PDZRN4: variants seen among roughly 807,000 people sequenced by gnomAD.
PDZRN4 encodes the protein PDZ domain containing ring finger 4.
A neutral mutation model predicts 99.0 loss-of-function variants in PDZRN4; 70 were observed. That is an observed-to-expected ratio of 0.71 (90% CI 0.58 to 0.86). The LOEUF (loss-of-function observed/expected upper bound fraction) is 0.86, where lower values mean the gene tolerates loss of function less well. Among genes scored for constraint, PDZRN4 ranks in the 40% least tolerant of loss-of-function variants. The pLI is 0.00. For missense variants in PDZRN4, 1,474 were observed against 1,331.2 expected, an observed-to-expected ratio of 1.11 and a Z score of -1.67; for synonymous variants, 551 against 501.6, an observed-to-expected ratio of 1.10 and a Z score of -1.32.
At chr12:41,328,973 A>G (rs555978898) in intron 3 of PDZRN4, among the ~76,000 whole-genome samples, 3 of 152,234 alleles carry the variant, frequency 2.0e-5, no homozygotes, top group Admixed American at 6.5e-5. Context: ...TTTGTAACTT[A>G]AACAAATTTG....
chr12:41,275,176 C>T (rs1295379344), intron 3 of PDZRN4, among the ~76,000 whole-genome samples: 1 of 152,040 alleles, frequency 6.6e-6, no homozygotes, highest in Non-Finnish European at 1.5e-5. Flanking sequence ...CGACAGTTAT[C>T]CCAGGGAACT....
At chr12:41,210,153 A>T (rs1950878663) in intron 3 of PDZRN4, among the ~76,000 whole-genome samples, 2 of 151,766 alleles carry the variant, frequency 1.3e-5, no homozygotes, top group Non-Finnish European at 2.9e-5. Context: ...TTCTTTTGAG[A>T]AGTGTCTGTT....
At chr12:41,407,712 GAAA>G (rs5797731) in intron 3 of PDZRN4, among the ~76,000 whole-genome samples, 15,330 of 138,182 alleles carry the variant, frequency 0.11, 1,552 homozygotes, top group African/African-American at 0.25. Context: ...GTACAAAAGA[GAAA>G]AAAAAAAAAC....
chr12:41,189,114 G>A lies in PDZRN4; in HGVS notation c.648+11G>A. 1.3e-6 allele frequency: 2 copies of A among 1,576,454 alleles called. No individual in the cohort carries two copies. Among genetic ancestry groups the A allele is most frequent in the Non-Finnish European group, 1.7e-6 (2 of 1,169,380 alleles). ...GGCGGCCACCGCAGGGTAAGCAAAG[G>A]GGGGTGGGCACCGCGGGCATGGTCG... is the stretch of plus-strand genomic sequence containing the variant. On this transcript the variant is annotated intron_variant, in intron 1 of 9. Coordinates refer to ENST00000402685, the MANE Select transcript of PDZRN4 (RefSeq NM_001164595.2).
chr12:41,288,769 A>G (rs766525232), intron 3 of PDZRN4, among the ~76,000 whole-genome samples: 1 of 152,184 alleles, frequency 6.6e-6, no homozygotes, highest in Non-Finnish European at 1.5e-5. Context: ...GTAGCAACCC[A>G]GCCTCATTAG....
At chr12:41,443,173 G>A (rs1211416423) in intron 3 of PDZRN4, among the ~76,000 whole-genome samples, 1 of 152,084 alleles carries the variant, frequency 6.6e-6, no homozygotes, top group African/African-American at 2.4e-5. Flanking sequence ...TAGCATAAGA[G>A]AGGCATAAAC....
intron 3 of PDZRN4, among the ~76,000 whole-genome samples, chr12:41,388,518 T>TGTGATA (rs1411363582): frequency 6.6e-6 from 1 of 152,220 alleles, no homozygotes; most frequent in Non-Finnish European, 1.5e-5. Context: ...GCAAATCTCT[T>TGTGATA]GTGATATCTG....
intron 5 of PDZRN4, among the ~76,000 whole-genome samples, chr12:41,522,879 T>C (rs1166425438): frequency 6.6e-6 from 1 of 152,148 alleles, no homozygotes; most frequent in Non-Finnish European, 1.5e-5. Context: ...ATTCCAACTA[T>C]ATGAAATAAA....
intron 3 of PDZRN4, among the ~76,000 whole-genome samples, chr12:41,194,499 G>C (rs1001427795): frequency 2.0e-5 from 3 of 151,998 alleles, no homozygotes; most frequent in Admixed American, 6.6e-5. Flanking sequence ...AAATTAGCTG[G>C]GCATGGTGGC....
chr12:41,433,886 T>C (rs925526288), intron 3 of PDZRN4, among the ~76,000 whole-genome samples: 1 of 152,090 alleles, frequency 6.6e-6, no homozygotes, highest in Non-Finnish European at 1.5e-5. Context: ...ATAACAAAAA[T>C]ATAGAAAACA....
intron 3 of PDZRN4, among the ~76,000 whole-genome samples, chr12:41,339,328 G>T (rs894150416): frequency 2.0e-5 from 3 of 152,004 alleles, no homozygotes; most frequent in Non-Finnish European, 4.4e-5. Context: ...GTTGGGGAAA[G>T]AATACTCTTT....
intron 5 of PDZRN4, among the ~76,000 whole-genome samples, chr12:41,523,106 G>A (rs1369761911): frequency 6.6e-6 from 1 of 151,920 alleles, no homozygotes; most frequent in Non-Finnish European, 1.5e-5. Context: ...TCTGAGCCTC[G>A]GGTTCCTTAT....
At chr12:41,465,608 G>A (rs185801921) in intron 3 of PDZRN4, among the ~76,000 whole-genome samples, 18 of 152,306 alleles carry the variant, frequency 1.2e-4, no homozygotes, top group Admixed American at 1.2e-3. Context: ...TGTTCCAGCA[G>A]TTGTTAGTCT....
intron 3 of PDZRN4, among the ~76,000 whole-genome samples, chr12:41,209,256 G>C (rs1950871046): frequency 6.6e-6 from 1 of 151,958 alleles, no homozygotes; most frequent in South Asian, 2.1e-4. Flanking sequence ...TTTAGGCACA[G>C]ATGACGACAT....
intron 5 of PDZRN4, among the ~76,000 whole-genome samples, chr12:41,545,440 C>T (rs919759028): frequency 5.9e-5 from 9 of 151,866 alleles, no homozygotes; most frequent in African/African-American, 2.2e-4. Flanking sequence ...CTTCCAGTAG[C>T]CCCCAACCTA....
chr12:41,337,810 C>A (rs145449294), intron 3 of PDZRN4, among the ~76,000 whole-genome samples: 12 of 152,226 alleles, frequency 7.9e-5, no homozygotes, highest in African/African-American at 2.9e-4. Context: ...TCTTTGACAC[C>A]AATCCTCTTC....
At chr12:41,379,356 C>A (rs1952105888) in intron 3 of PDZRN4, among the ~76,000 whole-genome samples, 1 of 145,412 alleles carries the variant, frequency 6.9e-6, no homozygotes, top group Admixed American at 6.8e-5. Context: ...TTTTTCTATT[C>A]TCTATTTCAT....
At chr12:41,202,961 T>C (rs747694459) in intron 3 of PDZRN4, among the ~76,000 whole-genome samples, 21 of 152,060 alleles carry the variant, frequency 1.4e-4, no homozygotes, top group Non-Finnish European at 2.5e-4. Flanking sequence ...ATCTATTGCA[T>C]TGAAGCTAAG....
At chr12:41,375,576 A>T (rs1472674011) in intron 3 of PDZRN4, among the ~76,000 whole-genome samples, 1 of 152,172 alleles carries the variant, frequency 6.6e-6, no homozygotes, top group Non-Finnish European at 1.5e-5. Context: ...GTTAACAAAC[A>T]TTCTTTTTAA....
Sources: allele counts gnomAD v4.1 joint callset (sites outside exome capture counted in the v4.1 genomes callset), GRCh38; gene constraint gnomAD v4.1.1; transcripts MANE v1.5; gene names NCBI Gene and HGNC (gene_info 2026-07-23, HGNC 2026-07-21).